Variants in SH3BP5 observed in about 807,000 individuals in gnomAD.
The protein encoded by SH3BP5 is SH3 domain binding protein 5, also known as SH3 domain-binding protein 5.
Under a neutral mutation model 43.3 loss-of-function variants are expected in SH3BP5, and 22 were observed. That is an observed-to-expected ratio of 0.51 (90% CI 0.36 to 0.73). SH3BP5 has a LOEUF of 0.73. Ranked by LOEUF, SH3BP5 falls within the 30% of genes least tolerant of loss-of-function variation. SH3BP5 has a pLI of 0.00. For synonymous variants in SH3BP5, 255 were observed against 225.8 expected (o/e 1.13, Z -1.16); for missense variants, 529 against 586.9 (o/e 0.90, Z 1.02).
chr3:15,269,809 C>T lies in SH3BP5; in HGVS notation c.399G>A (p.Lys133=), dbSNP rs1696748878. The change falls in exon 4 of 9, where the codon AAG becomes AAA. Residue 133 remains lysine (K), a synonymous_variant. Coordinates refer to ENST00000383791, the MANE Select transcript of SH3BP5 (RefSeq NM_004844.5). ...QRATEVLRAA[K]ETISLAEQRL... is the part of the protein sequence containing the mutation. ...GCTGCTCGGCCAGGGAGATGGTCTC[C>T]TTGGCGGCACGGAGCACCTCTGTGG... is the stretch of plus-strand genomic sequence containing the variant. 1 of 1,610,496 alleles carries T rather than the reference C, an allele frequency of 6.2e-7. No individual in the cohort carries two copies. The highest frequency in any genetic ancestry group is 8.5e-7 in the Non-Finnish European group (1 of 1,177,560).
upstream of SH3BP5, among the ~76,000 whole-genome samples, chr3:15,337,084 G>GTTTT (rs374056927): frequency 8.8e-4 from 88 of 100,092 alleles, 1 homozygote; most frequent in African/African-American, 2.9e-3. Context: ...TTTTAGTTTA[G>GTTTT]TTTTTTTTTT....
In SH3BP5 at chr3:15,258,816, G is replaced by C; in HGVS notation, c.889+15C>G. The C allele has an allele frequency of 6.2e-7, 1 of 1,602,296 alleles. No individual in the cohort carries two copies. Among genetic ancestry groups the C allele is most frequent in the Non-Finnish European group, 8.5e-7 (1 of 1,169,998 alleles). ...CTGATATCTCCCCACATACCCAGTG[G>C]AGCCCCTGACTTACCAGAAATGGCA... On this transcript the variant is annotated intron_variant, in intron 7 of 8. Transcript: ENST00000383791.
At chr3:15,333,214 A>G (rs1238921114), upstream of SH3BP5, 2 of 985,308 alleles carry the variant, frequency 2.0e-6, no homozygotes, top group African/African-American at 1.7e-5. Context: ...CCCACCATCA[A>G]CAAGTAGGGA....
chr3:15,320,356 A>C (rs1698290841), intron 2 of SH3BP5, among the ~76,000 whole-genome samples: 1 of 152,168 alleles, frequency 6.6e-6, no homozygotes, highest in Non-Finnish European at 1.5e-5. Context: ...GAATAGAACA[A>C]AATTTTTTCC....
chr3:15,329,474 G>T (rs776868238), intron 2 of SH3BP5, among the ~76,000 whole-genome samples: 14 of 152,240 alleles, frequency 9.2e-5, no homozygotes, highest in Non-Finnish European at 1.9e-4. Flanking sequence ...GGAAATGGAG[G>T]TGGTTAGCGA....
chr3:15,337,914 CAAAAAAAAAAA>C (rs5846867), intron 1 of SH3BP5, among the ~76,000 whole-genome samples: 1 of 63,288 alleles, frequency 1.6e-5, no homozygotes, highest in African/African-American at 6.6e-5. Flanking sequence ...GACCCTGACT[CAAAAAAAAAAA>C]AAAAAAAAAA....
At chr3:15,333,188 T>A (rs1485275742), upstream of SH3BP5, 1 of 985,302 alleles carries the variant, frequency 1.0e-6, no homozygotes, top group East Asian at 1.1e-4. Flanking sequence ...AATTTATGAA[T>A]TAGTGAGACT....
intron 3 of SH3BP5, among the ~76,000 whole-genome samples, chr3:15,289,275 T>C (rs891709262): frequency 6.6e-6 from 1 of 152,220 alleles, no homozygotes; most frequent in Non-Finnish European, 1.5e-5. Context: ...TACCTGTGAC[T>C]ACCTGACCAA....
chr3:15,286,544 C>CT (rs1319372702), intron 3 of SH3BP5, among the ~76,000 whole-genome samples: 1 of 152,148 alleles, frequency 6.6e-6, no homozygotes, highest in Non-Finnish European at 1.5e-5. Context: ...CCAAACACTC[C>CT]TTTTTTATTT....
At chr3:15,333,010 G>T, upstream of SH3BP5, 1 of 809,320 alleles carries the variant, frequency 1.2e-6, no homozygotes, top group Non-Finnish European at 1.5e-6. Context: ...CGGAGGTTCC[G>T]TGCACTGATG....
intron 3 of SH3BP5, among the ~76,000 whole-genome samples, chr3:15,287,801 A>G (rs1051603539): frequency 5.9e-5 from 9 of 152,168 alleles, no homozygotes; most frequent in African/African-American, 2.2e-4. Flanking sequence ...GTGAGTAGTG[A>G]CGTGCGTGTA....
At chr3:15,289,579 T>G (rs1212626845) in intron 3 of SH3BP5, among the ~76,000 whole-genome samples, 4 of 152,252 alleles carry the variant, frequency 2.6e-5, no homozygotes, top group African/African-American at 4.8e-5. Context: ...CTTGTGTGTT[T>G]AGGCCATATT....
At chr3:15,294,290 A>T (rs939920519) in intron 3 of SH3BP5, among the ~76,000 whole-genome samples, 2 of 138,224 alleles carry the variant, frequency 1.4e-5, no homozygotes, top group East Asian at 2.2e-4. Context: ...TGCAAAAGTA[A>T]GTGTGTGTGT....
intron 2 of SH3BP5, among the ~76,000 whole-genome samples, chr3:15,313,704 G>A (rs1307742114): frequency 6.6e-6 from 1 of 152,188 alleles, no homozygotes; most frequent in East Asian, 1.9e-4. Flanking sequence ...CTTCTGTGAC[G>A]ATGACATGTG....
chr3:15,311,707 C>CT (rs1348085408), intron 2 of SH3BP5, among the ~76,000 whole-genome samples: 1 of 152,136 alleles, frequency 6.6e-6, no homozygotes. Context: ...CAGGATCTCT[C>CT]TCTGTTACCC....
intron 3 of SH3BP5, among the ~76,000 whole-genome samples, chr3:15,291,184 T>C (rs1203993781): frequency 2.6e-5 from 4 of 152,210 alleles, no homozygotes; most frequent in African/African-American, 9.7e-5. Context: ...AGCATGAGCA[T>C]TCGCATGCTT....
At chr3:15,338,693 C>T (rs903221901) in intron 1 of SH3BP5, among the ~76,000 whole-genome samples, 4 of 152,028 alleles carry the variant, frequency 2.6e-5, no homozygotes, top group Admixed American at 6.5e-5. Flanking sequence ...CCACCACACC[C>T]CACCCCCATC....
At chr3:15,272,921 T>C (rs1469349086) in intron 3 of SH3BP5, among the ~76,000 whole-genome samples, 1 of 151,946 alleles carries the variant, frequency 6.6e-6, no homozygotes, top group Non-Finnish European at 1.5e-5. Flanking sequence ...CCACCCTCCC[T>C]AGAGCTGACC....
chr3:15,281,074 T>G (rs894998212), intron 3 of SH3BP5, among the ~76,000 whole-genome samples: 5 of 152,154 alleles, frequency 3.3e-5, no homozygotes, highest in South Asian at 2.1e-4. Flanking sequence ...AGTTAATGAG[T>G]AGCTGCCGGT....
Sources: allele counts gnomAD v4.1 joint callset (sites outside exome capture counted in the v4.1 genomes callset), GRCh38; gene constraint gnomAD v4.1.1; transcripts MANE v1.5; gene names NCBI Gene and HGNC (gene_info 2026-07-23, HGNC 2026-07-21).